Variants in EXOC4 observed in about 807,000 individuals in gnomAD.
EXOC4 encodes the protein exocyst complex component 4.
A neutral mutation model predicts 107.2 loss-of-function variants in EXOC4; 71 were observed. The ratio of observed to expected loss-of-function variants is 0.66; its 90% CI spans 0.55 to 0.81. The LOEUF (loss-of-function observed/expected upper bound fraction) is 0.81, where lower values mean the gene tolerates loss of function less well. Ranked by LOEUF, EXOC4 falls within the 30% of genes least tolerant of loss-of-function variation. The pLI, the probability that EXOC4 is intolerant of heterozygous loss-of-function variation, is 0.00. For synonymous variants in EXOC4, 456 were observed against 441.2 expected, an observed-to-expected ratio of 1.03 and a Z score of -0.42; for missense variants, 1,108 against 1,189.6, an observed-to-expected ratio of 0.93 and a Z score of 1.01.
In EXOC4 at chr7:133,610,089, A is replaced by T. The variant is rs1479605003; in HGVS notation, c.1418-19956A>T. Among the ~76,000 whole-genome samples, 4 of 152,360 alleles carry T rather than the reference A, an allele frequency of 2.6e-5. No homozygotes were observed. The East Asian group carries it at 7.7e-4, about 29-fold the overall frequency. ...CTTTTTGTTCTTGATAGACATAACTAGATGTAATTAAACTTGTTATAAATT... is the reference window on the plus strand; with the variant it reads ...CTTTTTGTTCTTGATAGACATAACTTGATGTAATTAAACTTGTTATAAATT... On this transcript the variant is annotated intron_variant, in intron 9 of 17. Coordinates refer to ENST00000253861, the MANE Select transcript of EXOC4 (RefSeq NM_021807.4).
At chr7:133,931,664 A>G (rs1800178481) in intron 13 of EXOC4, among the ~76,000 whole-genome samples, 1 of 152,192 alleles carries the variant, frequency 6.6e-6, no homozygotes, top group African/African-American at 2.4e-5. Flanking sequence ...GGTGTTTTCA[A>G]AACATAATAA....
chr7:133,594,728 G>A (rs1444217617), intron 9 of EXOC4, among the ~76,000 whole-genome samples: 4 of 151,972 alleles, frequency 2.6e-5, no homozygotes, highest in Non-Finnish European at 5.9e-5. Context: ...TCTTGACCTC[G>A]TGATCCACCT....
chr7:133,998,012 AAAGT>A (rs1794437762), intron 15 of EXOC4, among the ~76,000 whole-genome samples: 1 of 152,204 alleles, frequency 6.6e-6, no homozygotes, highest in Non-Finnish European at 1.5e-5. Context: ...TGTCAGCCAC[AAAGT>A]AAGTGCTCAA....
chr7:133,753,025 C>A (rs576237686), intron 10 of EXOC4, among the ~76,000 whole-genome samples: 1 of 152,332 alleles, frequency 6.6e-6, no homozygotes, highest in East Asian at 1.9e-4. Flanking sequence ...TATTTGATCA[C>A]TTCCACTTCT....
At chr7:133,822,838 C>T (rs765995120) in intron 11 of EXOC4, among the ~76,000 whole-genome samples, 18 of 152,170 alleles carry the variant, frequency 1.2e-4, no homozygotes, top group African/African-American at 1.2e-4. Flanking sequence ...AGTTAGGAAA[C>T]GGGATCTAAT....
intron 10 of EXOC4, among the ~76,000 whole-genome samples, chr7:133,706,282 A>G (rs1794767165): frequency 6.6e-6 from 1 of 152,254 alleles, no homozygotes; most frequent in Non-Finnish European, 1.5e-5. Context: ...CCAGATAAGT[A>G]ATTTCCAGCA....
At chr7:133,995,547 A>G (rs1033171385) in intron 14 of EXOC4, among the ~76,000 whole-genome samples, 3 of 152,214 alleles carry the variant, frequency 2.0e-5, no homozygotes, top group Non-Finnish European at 2.9e-5. Context: ...ATCAAACAAC[A>G]TGATTAATGC....
intron 10 of EXOC4, among the ~76,000 whole-genome samples, chr7:133,779,780 A>T (rs571208004): frequency 1.3e-5 from 2 of 152,030 alleles, no homozygotes; most frequent in Non-Finnish European, 2.9e-5. Context: ...CAATCAGCAC[A>T]CTGTAAAATG....
chr7:133,479,454 T>C (rs1398225756), intron 8 of EXOC4: 2 of 152,778 alleles, frequency 1.3e-5, no homozygotes, highest in African/African-American at 4.8e-5. Context: ...GTATTTTATA[T>C]TGTAGGCAGC....
At chr7:133,795,824 G>A (rs566405903) in intron 10 of EXOC4, among the ~76,000 whole-genome samples, 22 of 151,794 alleles carry the variant, frequency 1.4e-4, no homozygotes, top group Non-Finnish European at 2.9e-4. Flanking sequence ...TATATTTGGG[G>A]GTATTAATTT....
At chr7:133,269,111 A>T (rs1402383558) in intron 1 of EXOC4, among the ~76,000 whole-genome samples, 2 of 152,190 alleles carry the variant, frequency 1.3e-5, no homozygotes, top group South Asian at 4.1e-4. Context: ...TCCTTTGATC[A>T]TGTCTTTTAT....
At chr7:133,882,262 G>A (rs1798982264) in intron 11 of EXOC4, among the ~76,000 whole-genome samples, 2 of 152,128 alleles carry the variant, frequency 1.3e-5, no homozygotes, top group African/African-American at 4.8e-5. Context: ...TACTGTTGAT[G>A]GACATTTGGG....
At chr7:133,994,984 A>G (rs1378628995) in intron 14 of EXOC4, among the ~76,000 whole-genome samples, 2 of 152,148 alleles carry the variant, frequency 1.3e-5, no homozygotes, top group Admixed American at 6.5e-5. Context: ...AGCCCTGAGG[A>G]GTTCACAAGC....
intron 17 of EXOC4, among the ~76,000 whole-genome samples, chr7:134,019,247 G>A (rs1794975701): frequency 6.6e-6 from 1 of 152,146 alleles, no homozygotes; most frequent in Non-Finnish European, 1.5e-5. Flanking sequence ...ATGTTTTAGA[G>A]AGCATCTGTA....
intron 11 of EXOC4, among the ~76,000 whole-genome samples, chr7:133,868,175 G>A (rs962550219): frequency 7.9e-5 from 12 of 152,138 alleles, no homozygotes; most frequent in African/African-American, 2.7e-4. Context: ...CTTGGCTTGA[G>A]CTAGGGTCAT....
chr7:133,295,870 G>A lies in EXOC4; in HGVS notation c.471+6754G>A, dbSNP rs190366669. On this transcript the variant is annotated intron_variant, in intron 3 of 17. Transcript: ENST00000253861. The stretch of plus-strand genomic sequence containing the variant: ...GAACTGTTTTTTCTTATTACTCTGG[G>A]AAAAGTATCGATGTGAAAGCTCTGT... Among the ~76,000 whole-genome samples the A allele has an allele frequency of 2.8e-3, 420 of 152,224 alleles. 2 individuals are homozygous for A. Among genetic ancestry groups the A allele is most frequent in the African/African-American group, 9.7e-3 (403 of 41,556 alleles).
At chr7:133,483,780 A>G (rs188771030) in intron 9 of EXOC4, among the ~76,000 whole-genome samples, 38 of 152,334 alleles carry the variant, frequency 2.5e-4, no homozygotes, top group Admixed American at 2.5e-3. Flanking sequence ...TTAACATTTC[A>G]ACAGGAAAAA....
chr7:133,343,081 G>C (rs1462577820), intron 5 of EXOC4, among the ~76,000 whole-genome samples: 2 of 151,930 alleles, frequency 1.3e-5, no homozygotes, highest in African/African-American at 4.8e-5. Context: ...GATCTTTTGG[G>C]GTGTTACAGA....
intron 7 of EXOC4, among the ~76,000 whole-genome samples, chr7:133,464,047 AAT>A (rs1798658068): frequency 6.6e-6 from 1 of 152,200 alleles, no homozygotes; most frequent in Admixed American, 6.5e-5. Context: ...TACTTACTGG[AAT>A]ATATTAGAAA....
Sources: allele counts gnomAD v4.1 joint callset (sites outside exome capture counted in the v4.1 genomes callset), GRCh38; gene constraint gnomAD v4.1.1; transcripts MANE v1.5; gene names NCBI Gene and HGNC (gene_info 2026-07-23, HGNC 2026-07-21).